The following BEST1 variants were observed in gnomAD, a reference collection of about 807,000 sequenced individuals.
The protein encoded by BEST1 is bestrophin 1, also known as bestrophin-1.
BEST1 carries 58 observed loss-of-function variants against 63.3 expected under a neutral mutation model. That is an observed-to-expected ratio of 0.92 (90% CI 0.74 to 1.14). The LOEUF is 1.14. Among genes scored for constraint, BEST1 ranks in the 50% most tolerant of loss-of-function variants. The pLI, the probability that BEST1 is intolerant of heterozygous loss-of-function variation, is 0.00. For synonymous variants in BEST1, 283 were observed against 291.6 expected (o/e 0.97, Z 0.30); for missense variants, 671 against 740.1 (o/e 0.91, Z 1.08).
intron 1 of BEST1, among the ~76,000 whole-genome samples, chr11:61,950,948 C>CA (rs1940590475): frequency 6.6e-6 from 1 of 152,110 alleles, no homozygotes; most frequent in African/African-American, 2.4e-5. Context: ...GCAGGAAGAT[C>CA]AGCAGGTGGA....
chr11:61,962,460 G>A lies in BEST1; in HGVS notation c.1306G>A (p.Val436Ile), dbSNP rs145439032. ...AAACCACAAGGCAGCCAAACAGAAC[G>A]TTAGGGGCCAGGAAGACAACAAGGC... ...PKNHKAAKQN[V>I]RGQEDNKAWK... is the part of the protein sequence containing the mutation. Residue 436 changes from valine (V) to isoleucine (I), a missense_variant, in exon 10 of 11, where the codon GTT becomes ATT. Val to Ile is a conservative substitution (Grantham distance 29). Transcript: ENST00000378043. The A allele has an allele frequency of 7.7e-5, 125 of 1,614,198 alleles. No homozygotes were observed. The highest frequency in any genetic ancestry group is 2.5e-4 in the Admixed American group (15 of 60,020).
rs1942209504 is a variant in BEST1 at position 61,962,778 on chromosome 11, A to T, written c.1624A>T (p.Thr542Ser). The change falls in exon 10 of 11, where the codon ACG becomes TCG. Residue 542 changes from threonine (T) to serine (S), a missense_variant. Physicochemically the swap from Thr to Ser is moderately conservative, Grantham distance 58. Coordinates refer to ENST00000378043, the MANE Select transcript of BEST1 (RefSeq NM_004183.4). ...VRRKTVEFNLTDMPEIPENHL... is the reference protein window; with the variant it reads ...VRRKTVEFNLSDMPEIPENHL... ...GAGGAAAACTGTGGAGTTTAACCTG[A>T]CGGATATGCCAGAGATCCCCGAAAA... is the stretch of plus-strand genomic sequence containing the variant. 6.2e-7 allele frequency: 1 copy of T among 1,614,186 alleles called. No homozygotes were observed. The highest frequency in any genetic ancestry group is 8.5e-7 in the Non-Finnish European group (1 of 1,180,032).
rs771402930 is a variant in BEST1, at chr11:61,959,621, A to C, written c.948+43A>C. The stretch of plus-strand genomic sequence containing the variant: ...GAAACCATACCATGGACCTTCCCCA[A>C]AGTGGACCCAAAGAGAGGACCCCAC... On this transcript the variant is annotated intron_variant, in intron 8 of 10. Transcript: ENST00000378043. 6 of 1,605,062 alleles carry C rather than the reference A, an allele frequency of 3.7e-6. No homozygotes were observed. The South Asian group carries it at 4.4e-5, about 12-fold the overall frequency.
chr11:61,953,432 G>C (rs768733400), intron 2 of BEST1, among the ~76,000 whole-genome samples: 5 of 152,120 alleles, frequency 3.3e-5, no homozygotes, highest in Non-Finnish European at 5.9e-5. Context: ...TAAAAAATTG[G>C]CTAGGCCCTT....
At chr11:61,963,612 T>C (rs1942300180) in intron 10 of BEST1, 1 of 1,027,026 alleles carries the variant, frequency 9.7e-7, no homozygotes, top group Non-Finnish European at 1.2e-6. Flanking sequence ...CTCAAGCAGT[T>C]ACTTTCACGG....
At chr11:61,951,503 C>T (rs1565381950) in intron 1 of BEST1, among the ~76,000 whole-genome samples, 1 of 152,194 alleles carries the variant, frequency 6.6e-6, no homozygotes, top group Non-Finnish European at 1.5e-5. Context: ...GCCACTGCGC[C>T]CAGTGATTAT....
In BEST1 at chr11:61,955,777, C is replaced by G. The variant is rs1288978712; in HGVS notation, c.307C>G (p.Pro103Ala). 1 of 1,549,634 alleles carries G rather than the reference C, an allele frequency of 6.5e-7. No homozygotes were observed. The highest frequency in any genetic ancestry group is 1.2e-5 in the South Asian group (1 of 84,036). Reference sequence around the variant, plus strand: ...GAACCAGTACGAGAACCTGCCGTGGCCCGACCGCCTCATGAGCCTGGTGTC... The same window carrying G: ...GAACCAGTACGAGAACCTGCCGTGGGCCGACCGCCTCATGAGCCTGGTGTC... Reference protein sequence around the residue: ...WWNQYENLPWPDRLMSLVSGF... With the variant: ...WWNQYENLPWADRLMSLVSGF... The change falls in exon 4 of 11, where the codon CCC becomes GCC. Residue 103 changes from proline (P) to alanine (A), a missense_variant. Physicochemically the swap from Pro to Ala is conservative, Grantham distance 27 (BLOSUM62 -1). Coordinates refer to ENST00000378043, the MANE Select transcript of BEST1 (RefSeq NM_004183.4).
chr11:61,959,149 A>G (rs1035786304), intron 7 of BEST1: 7 of 359,762 alleles, frequency 1.9e-5, no homozygotes, highest in African/African-American at 1.3e-4. Context: ...CCTTTAGTTC[A>G]GCCCAGCTTC....
rs71471844 is a variant in BEST1 at position 61,958,873 on chromosome 11, G to GACAC, written c.868-595_868-592dup. The GACAC allele has an allele frequency of 3.5e-3, 668 of 192,860 alleles. 9 individuals are homozygous for GACAC. The highest frequency in any genetic ancestry group is 0.019 in the African/African-American group (587 of 31,246). The allele number at this position is 192,860 out of a possible 1,614,324, so 11.9% of individuals were successfully genotyped here. A position where few individuals can be genotyped will look rare whatever the true frequency, so the allele number is the denominator to read the frequency against. On this transcript the variant is annotated intron_variant, in intron 7 of 10. Coordinates refer to ENST00000378043, the MANE Select transcript of BEST1 (RefSeq NM_004183.4). ...CTGTCTCTGCCCTTCCTGTCACTGTGACACACACACACACACACACACACA... is the reference window on the plus strand; with the variant it reads ...CTGTCTCTGCCCTTCCTGTCACTGTGACACACACACACACACACACACACACACA...
At chr11:61,957,050 C>T (rs1223822167) in intron 5 of BEST1, 52 bp downstream of exon 5, 1 of 1,612,038 alleles carries the variant, frequency 6.2e-7, no homozygotes, top group Middle Eastern at 1.8e-4. Flanking sequence ...GGCTGTGGTC[C>T]ACAGGAAACA....
chr11:61,958,386 G>A, intron 7 of BEST1, 88 bp downstream of exon 7: 1 of 1,603,346 alleles, frequency 6.2e-7, no homozygotes, highest in Non-Finnish European at 8.5e-7. Context: ...GCAGTGTCAG[G>A]AAAGGAAGGT....
At chr11:61,952,070 C>A in intron 2 of BEST1, 112 bp downstream of exon 2, 1 of 1,314,508 alleles carries the variant, frequency 7.6e-7, no homozygotes. Flanking sequence ...CACTACAAGA[C>A]TAAGCTGAGC....
intron 1 of BEST1, among the ~76,000 whole-genome samples, chr11:61,951,197 A>ATTATTTATTTATTTATTTAT (rs112769638): frequency 9.2e-5 from 14 of 151,516 alleles, no homozygotes; most frequent in African/African-American, 3.2e-4. Context: ...TTGTCATTGT[A>ATTATTTATTTATTTATTTAT]TTATTTATTT....
Position 61,953,976 on chromosome 11 carries a change from G to A in BEST1, c.153-1131G>A, listed in dbSNP as rs574485118. On this transcript the variant is annotated intron_variant, in intron 2 of 10. Transcript: ENST00000378043. ...AAAATAAAGGACAGATATAATCACC[G>A]AATATATGATAGCATTTTAAATTGA... Among the ~76,000 whole-genome samples the A allele has an allele frequency of 6.6e-5, 10 of 152,192 alleles. No individual in the cohort carries two copies. In the East Asian group the frequency reaches 1.4e-3, roughly 21 times the overall value.
At chr11:61,957,081 C>G in intron 5 of BEST1, 83 bp downstream of exon 5, 2 of 1,593,248 alleles carry the variant, frequency 1.3e-6, no homozygotes, top group Non-Finnish European at 1.7e-6. Flanking sequence ...CAAAGAGAAG[C>G]CTTGGGCCCC....
chr11:61,951,611 C>T (rs1940666209), intron 1 of BEST1, among the ~76,000 whole-genome samples, 160 bp from the exon 2 acceptor site: 2 of 152,204 alleles, frequency 1.3e-5, no homozygotes, highest in South Asian at 4.1e-4. Context: ...GTTTCTACTT[C>T]CAAAAGGCAG....
intron 7 of BEST1, chr11:61,959,137 G>T: frequency 2.9e-6 from 1 of 349,414 alleles, no homozygotes; most frequent in South Asian, 2.5e-5. Flanking sequence ...CACCTAGACT[G>T]CCCTTTAGTT....
intron 5 of BEST1, 29 bp downstream of exon 5, chr11:61,957,027 G>C (rs557643704): frequency 2.3e-5 from 37 of 1,613,682 alleles, no homozygotes; most frequent in Middle Eastern, 1.7e-4. Flanking sequence ...CAGGGCTGCC[G>C]CAGAGTGGGA....
At chr11:61,956,283 CG>C (rs1208654030) in intron 4 of BEST1, among the ~76,000 whole-genome samples, 2 of 152,082 alleles carry the variant, frequency 1.3e-5, no homozygotes, top group African/African-American at 4.8e-5. Context: ...TCTTGATCTC[CG>C]GTTTCCACTC....
Sources: gnomAD v4.1 joint callset for allele counts (sites outside exome capture counted in the v4.1 genomes callset) on GRCh38, gnomAD v4.1.1 for gene constraint, MANE v1.5 for transcripts, NCBI Gene and HGNC (gene_info 2026-07-23, HGNC 2026-07-21) for gene names.